Variants in FSHR observed in about 807,000 individuals in gnomAD.
The protein encoded by FSHR is follicle-stimulating hormone receptor.
In FSHR, 46 loss-of-function variants were observed where a neutral mutation model predicts 52.1. The ratio of observed to expected loss-of-function variants is 0.88; its 90% CI spans 0.70 to 1.13. The LOEUF is 1.13. Ranked by LOEUF, FSHR falls within the 50% of genes most tolerant of loss-of-function variation. FSHR has a pLI of 0.00. For missense variants in FSHR, 964 were observed against 834.6 expected (o/e 1.16, Z -1.91); for synonymous variants, 399 against 309.6 (o/e 1.29, Z -3.03).
At chr2:48,989,197 T>G (rs1364902200) in intron 5 of FSHR, 143 bp from the exon 6 acceptor site, 4 of 640,608 alleles carry the variant, frequency 6.2e-6, no homozygotes, top group Non-Finnish European at 1.1e-5. Context: ...GATGATCAGC[T>G]CAAAGTTTGG....
chr2:48,971,803 G>A (rs1182115952), intron 8 of FSHR, among the ~76,000 whole-genome samples: 2 of 152,062 alleles, frequency 1.3e-5, no homozygotes, highest in East Asian at 3.9e-4. Context: ...TACATTTTAT[G>A]CCTTCCTGGT....
In FSHR at chr2:48,962,708, C is replaced by G. The variant is rs530530786; in HGVS notation, c.*25G>C. 6.2e-6 allele frequency: 10 copies of G among 1,606,924 alleles called. No homozygotes were observed. The Admixed American group carries it at 1.3e-4, about 21-fold the overall frequency. ...GGCAAGACTGAATTATCATTCAATA[C>G]TCAGATACATTTTCACATTGTGTTT... On this transcript the variant is annotated 3_prime_UTR_variant, in exon 10 of 10. Transcript: ENST00000406846.
intron 1 of FSHR, among the ~76,000 whole-genome samples, chr2:49,118,181 TC>T (rs1370998538): frequency 6.6e-6 from 1 of 152,108 alleles, no homozygotes; most frequent in Non-Finnish European, 1.5e-5. Context: ...GCCTGAGCAT[TC>T]TGCAAGAGGG....
intron 1 of FSHR, among the ~76,000 whole-genome samples, chr2:49,085,222 T>G (rs1456248645): frequency 6.6e-6 from 1 of 152,226 alleles, no homozygotes. Context: ...ATCCAGCATA[T>G]AAACAGAACC....
chr2:48,977,893 T>C (rs1178862804), intron 8 of FSHR, among the ~76,000 whole-genome samples: 1 of 152,186 alleles, frequency 6.6e-6, no homozygotes. Context: ...AGTTGTGGAC[T>C]GGTGTTTTTA....
chr2:49,116,862 C>T (rs542584146), intron 1 of FSHR, among the ~76,000 whole-genome samples: 1 of 152,128 alleles, frequency 6.6e-6, no homozygotes, highest in Admixed American at 6.6e-5. Context: ...GCTTTGTTGG[C>T]TCAATTAGAA....
intron 2 of FSHR, among the ~76,000 whole-genome samples, chr2:49,029,023 A>T (rs1668008315): frequency 6.6e-6 from 1 of 152,206 alleles, no homozygotes; most frequent in Non-Finnish European, 1.5e-5. Context: ...GCAGGGTAAG[A>T]GTTTTATATC....
At chr2:48,969,440 C>T (rs1453206475) in intron 8 of FSHR, among the ~76,000 whole-genome samples, 3 of 152,204 alleles carry the variant, frequency 2.0e-5, no homozygotes, top group East Asian at 1.9e-4. Flanking sequence ...TTGGCGTCTA[C>T]AGCAGACCTG....
chr2:49,114,146 C>CA (rs1228449730), intron 1 of FSHR, among the ~76,000 whole-genome samples: 2 of 152,176 alleles, frequency 1.3e-5, no homozygotes, highest in Admixed American at 1.3e-4. Flanking sequence ...CAGGATGACA[C>CA]AGAGACCACT....
intron 1 of FSHR, among the ~76,000 whole-genome samples, chr2:49,105,207 T>G (rs887048683): frequency 1.3e-5 from 2 of 152,132 alleles, no homozygotes; most frequent in African/African-American, 2.4e-5. Flanking sequence ...GGAACAGCCT[T>G]GAAAAGTGAG....
chr2:49,098,401 G>A (rs1056826735), intron 1 of FSHR, among the ~76,000 whole-genome samples: 1 of 152,116 alleles, frequency 6.6e-6, no homozygotes, highest in Non-Finnish European at 1.5e-5. Flanking sequence ...AGAATGGGGT[G>A]ATATAGAGAT....
At chr2:49,091,698 C>T (rs1192889322) in intron 1 of FSHR, among the ~76,000 whole-genome samples, 7 of 152,174 alleles carry the variant, frequency 4.6e-5, no homozygotes, top group Admixed American at 3.9e-4. Flanking sequence ...AATTAATTAG[C>T]TATAATTTTG....
At chr2:49,042,201 A>G (rs1572670220) in intron 2 of FSHR, among the ~76,000 whole-genome samples, 1 of 152,204 alleles carries the variant, frequency 6.6e-6, no homozygotes, top group Non-Finnish European at 1.5e-5. Flanking sequence ...CATACTATGG[A>G]GTCCAGAGAT....
intron 2 of FSHR, among the ~76,000 whole-genome samples, chr2:49,039,704 T>A (rs1198644326): frequency 6.6e-6 from 1 of 152,226 alleles, no homozygotes; most frequent in East Asian, 1.9e-4. Context: ...CTTCCTTGTC[T>A]TTTTAAATAT....
chr2:49,140,785 T>G (rs1672657685), intron 1 of FSHR, among the ~76,000 whole-genome samples: 1 of 152,012 alleles, frequency 6.6e-6, no homozygotes, highest in Admixed American at 6.5e-5. Flanking sequence ...TCATGATAGA[T>G]CAATAATTTT....
At chr2:49,120,149 T>C (rs1160148475) in intron 1 of FSHR, among the ~76,000 whole-genome samples, 1 of 152,152 alleles carries the variant, frequency 6.6e-6, no homozygotes, top group South Asian at 2.1e-4. Flanking sequence ...TGCCTGCCTG[T>C]AATCTCAGCT....
At chr2:49,089,362 G>A (rs555271927) in intron 1 of FSHR, among the ~76,000 whole-genome samples, 7 of 152,170 alleles carry the variant, frequency 4.6e-5, no homozygotes, top group East Asian at 1.9e-4. Context: ...TCAGAAGAAC[G>A]TAAAATAATA....
At chr2:49,110,583 C>T (rs1671387972) in intron 1 of FSHR, among the ~76,000 whole-genome samples, 1 of 152,082 alleles carries the variant, frequency 6.6e-6, no homozygotes, top group African/African-American at 2.4e-5. Flanking sequence ...ATGTTTTCAG[C>T]CTCTTGAGGA....
chr2:49,097,351 C>T (rs1410490441), intron 1 of FSHR, among the ~76,000 whole-genome samples: 4 of 152,284 alleles, frequency 2.6e-5, no homozygotes, highest in Admixed American at 6.5e-5. Context: ...TCTTCAAGTT[C>T]ACTGACCTTT....
Sources: allele counts gnomAD v4.1 joint callset (sites outside exome capture counted in the v4.1 genomes callset), GRCh38; gene constraint gnomAD v4.1.1; transcripts MANE v1.5; gene names NCBI Gene and HGNC (gene_info 2026-07-23, HGNC 2026-07-21).